The following CCR9 variants were observed in gnomAD, a reference collection of about 807,000 sequenced individuals.
The protein encoded by CCR9 is C-C chemokine receptor type 9.
Under a neutral mutation model 8.7 loss-of-function variants are expected in CCR9, and 4 were observed. The observed-to-expected ratio is 0.46, with a 90% CI of 0.23 to 1.06. The LOEUF is 1.06. Ranked by LOEUF, CCR9 falls within the 50% of genes least tolerant of loss-of-function variation. CCR9 has a pLI of 0.21. For synonymous variants in CCR9, 159 were observed against 168.8 expected (o/e 0.94, Z 0.45); for missense variants, 394 against 453.6 (o/e 0.87, Z 1.19).
intron 1 of CCR9, among the ~76,000 whole-genome samples, chr3:45,888,895 A>G (rs965229990): frequency 2.4e-4 from 37 of 152,170 alleles, no homozygotes; most frequent in African/African-American, 8.7e-4. Context: ...CTCTCTCCAA[A>G]TTTTCTATGA....
At chr3:45,895,879 A>G (rs771030142) in intron 2 of CCR9, among the ~76,000 whole-genome samples, 1 of 152,180 alleles carries the variant, frequency 6.6e-6, no homozygotes, top group East Asian at 1.9e-4. Context: ...GCTCTTCTCC[A>G]AGGGAAAGCC....
intron 1 of CCR9, among the ~76,000 whole-genome samples, chr3:45,888,356 G>A (rs542333042): frequency 1.3e-5 from 2 of 152,268 alleles, no homozygotes; most frequent in South Asian, 4.1e-4. Flanking sequence ...TCTCCCCAGA[G>A]CTAAAGACAT....
At chr3:45,891,210 C>T (rs1702170342) in intron 1 of CCR9, among the ~76,000 whole-genome samples, 1 of 152,208 alleles carries the variant, frequency 6.6e-6, no homozygotes, top group South Asian at 2.1e-4. Flanking sequence ...CGGCCGGAGG[C>T]TGGGGCTACT....
At chr3:45,898,151 C>T (rs757030381) in intron 2 of CCR9, among the ~76,000 whole-genome samples, 1 of 152,118 alleles carries the variant, frequency 6.6e-6, no homozygotes, top group Non-Finnish European at 1.5e-5. Flanking sequence ...CCTCTTAAAC[C>T]TGCTGTGATG....
chr3:45,901,889 C>T lies in CCR9; in HGVS notation c.1101C>T (p.Leu367=), dbSNP rs763774017. The T allele has an allele frequency of 1.3e-6, 2 of 1,594,822 alleles. No homozygotes were observed. Among genetic ancestry groups the T allele is most frequent in the Non-Finnish European group, 8.6e-7 (1 of 1,167,650 alleles). ...SMLLETTSGA[L]SL is the part of the protein sequence containing the mutation. ...TGCTGGAGACAACCTCAGGAGCACT[C>T]TCCCTCTGAGGGGTCTTCTCTGAGG... Residue 367 remains leucine, a synonymous_variant, in exon 3 of 3, where the codon CTC becomes CTT. Coordinates refer to ENST00000357632, the MANE Select transcript of CCR9 (RefSeq NM_031200.3). The surrounding 1 kb of genome is among the most constrained non-coding windows in gnomAD (Gnocchi z 4.3).
intron 1 of CCR9, among the ~76,000 whole-genome samples, chr3:45,894,128 T>C (rs1702274789): frequency 1.3e-5 from 2 of 152,230 alleles, no homozygotes; most frequent in Non-Finnish European, 2.9e-5. Context: ...CTGTTGTTTC[T>C]TTGGTTATGT....
At position 45,903,152 on chromosome 3, in the gene CCR9, A is replaced by C. The variant is rs1702610420; in HGVS notation, c.*1254A>C. ...CTGTCTCAATATTTTAAGTGTGTGCAATTAAAGATCAAATAGATACATTAA... is the reference window on the plus strand; with the variant it reads ...CTGTCTCAATATTTTAAGTGTGTGCCATTAAAGATCAAATAGATACATTAA... On this transcript the variant is annotated 3_prime_UTR_variant, in exon 3 of 3. Coordinates refer to ENST00000357632, the MANE Select transcript of CCR9 (RefSeq NM_031200.3). 1 of 167,104 alleles carries C rather than the reference A, an allele frequency of 6.0e-6. No homozygotes were observed. Among genetic ancestry groups the C allele is most frequent in the Non-Finnish European group, 1.5e-5 (1 of 68,130 alleles). The allele number at this position is 167,104 out of a possible 1,614,324, so 10.4% of individuals were successfully genotyped here. A position where few individuals can be genotyped will look rare whatever the true frequency, so the allele number is the denominator to read the frequency against.
At chr3:45,894,490 G>A (rs1018028968) in intron 1 of CCR9, among the ~76,000 whole-genome samples, 1 of 152,164 alleles carries the variant, frequency 6.6e-6, no homozygotes, top group Non-Finnish European at 1.5e-5. Context: ...ATAGAGCAGG[G>A]GGAAGGGGAA....
At chr3:45,890,838 C>T (rs538559250) in intron 1 of CCR9, among the ~76,000 whole-genome samples, 9 of 152,308 alleles carry the variant, frequency 5.9e-5, no homozygotes, top group African/African-American at 1.7e-4. Context: ...GGGGCACAGC[C>T]CCTGTCGGAA....
At chr3:45,893,564 T>C (rs745347066) in intron 1 of CCR9, among the ~76,000 whole-genome samples, 4 of 152,252 alleles carry the variant, frequency 2.6e-5, no homozygotes, top group Non-Finnish European at 1.5e-5. Context: ...TCATACAGTA[T>C]GAACTCCCTT....
chr3:45,887,213 G>A (rs1408955108), intron 1 of CCR9, among the ~76,000 whole-genome samples: 2 of 151,932 alleles, frequency 1.3e-5, no homozygotes, highest in Non-Finnish European at 2.9e-5. Context: ...AAGATTATAT[G>A]TGTAGTCTGA....
intron 1 of CCR9, among the ~76,000 whole-genome samples, chr3:45,892,250 CAT>C (rs1257578939): frequency 6.6e-6 from 1 of 152,152 alleles, no homozygotes; most frequent in Non-Finnish European, 1.5e-5. Context: ...GGTATAAAGA[CAT>C]GTGAACATGT....
chr3:45,889,316 TAA>T (rs1702074886), intron 1 of CCR9, among the ~76,000 whole-genome samples: 1 of 151,390 alleles, frequency 6.6e-6, no homozygotes, highest in Admixed American at 6.6e-5. Flanking sequence ...AAAAAAAAAA[TAA>T]AGAGAAACCT....
intron 2 of CCR9, chr3:45,897,420 G>A: frequency 1.5e-6 from 1 of 663,406 alleles, no homozygotes; most frequent in East Asian, 2.8e-5. Flanking sequence ...TATGCCCCCT[G>A]GGCTTCCAGC....
chr3:45,897,010 G>C (rs1453065783), intron 2 of CCR9, among the ~76,000 whole-genome samples: 1 of 152,186 alleles, frequency 6.6e-6, no homozygotes, highest in Non-Finnish European at 1.5e-5. Context: ...CAACTGGGAC[G>C]CCTGGGCTGC....
At chr3:45,888,191 C>T (rs1245436179) in intron 1 of CCR9, among the ~76,000 whole-genome samples, 2 of 152,214 alleles carry the variant, frequency 1.3e-5, no homozygotes, top group African/African-American at 4.8e-5. Flanking sequence ...TCTCCCAGGT[C>T]CCTGCACATA....
chr3:45,902,637 A>G lies in CCR9; in HGVS notation c.*739A>G, dbSNP rs1702594994. 2 of 167,130 alleles carry G rather than the reference A, an allele frequency of 1.2e-5. No individual in the cohort carries two copies. Among genetic ancestry groups the G allele is most frequent in the South Asian group, 2.1e-4 (1 of 4,828 alleles). The allele number at this position is 167,130 out of a possible 1,614,324, so 10.4% of individuals were successfully genotyped here. A position where few individuals can be genotyped will look rare whatever the true frequency, so the allele number is the denominator to read the frequency against. On this transcript the variant is annotated 3_prime_UTR_variant, in exon 3 of 3. Transcript: ENST00000357632. The stretch of plus-strand genomic sequence containing the variant: ...ACAAGGATTCCGCTTATTCCTTGGT[A>G]TGGTGACAGTGTCTCTCCATGGCCT...
At chr3:45,895,784 T>C (rs778071178) in intron 2 of CCR9, among the ~76,000 whole-genome samples, 10 of 152,208 alleles carry the variant, frequency 6.6e-5, no homozygotes, top group South Asian at 2.1e-4. Flanking sequence ...CAGCCGAATG[T>C]AATTAAGTGT....
chr3:45,899,862 G>A (rs553991450), intron 2 of CCR9, among the ~76,000 whole-genome samples: 34 of 152,190 alleles, frequency 2.2e-4, no homozygotes, highest in African/African-American at 7.5e-4. Flanking sequence ...TCCTGTTTCC[G>A]TAGCAGGGGT....
Sources: gnomAD v4.1 joint callset for allele counts (sites outside exome capture counted in the v4.1 genomes callset) on GRCh38, gnomAD v4.1.1 for gene constraint, Gnocchi (gnomAD v3.1) non-coding constraint, MANE v1.5 for transcripts, NCBI Gene and HGNC (gene_info 2026-07-23, HGNC 2026-07-21) for gene names.